LMX1A: variants seen among roughly 807,000 people sequenced by gnomAD.
LMX1A encodes LIM homeobox transcription factor 1 alpha, also known as LIM homeobox transcription factor 1-alpha.
LMX1A carries 15 observed loss-of-function variants against 49.1 expected under a neutral mutation model. That is an observed-to-expected ratio of 0.31 (90% CI 0.20 to 0.47). The LOEUF (loss-of-function observed/expected upper bound fraction) is 0.47, where lower values mean the gene tolerates loss of function less well. Among genes scored for constraint, LMX1A ranks in the 20% least tolerant of loss-of-function variants. LMX1A has a pLI of 1.00. For missense variants in LMX1A, 372 were observed against 475.8 expected (o/e 0.78, Z 2.03); for synonymous variants, 167 against 185.7 (o/e 0.90, Z 0.82).
At chr1:165,218,232 G>T (rs1278679843) in intron 4 of LMX1A, among the ~76,000 whole-genome samples, 1 of 152,204 alleles carries the variant, frequency 6.6e-6, no homozygotes, top group African/African-American at 2.4e-5. Flanking sequence ...CTGGAGGCAG[G>T]AAACACTGCT....
chr1:165,351,147 T>C (rs747141383), intron 3 of LMX1A, among the ~76,000 whole-genome samples: 11 of 150,814 alleles, frequency 7.3e-5, no homozygotes, highest in Non-Finnish European at 1.6e-4. Flanking sequence ...TGTTGACCCT[T>C]AAGCCTTCTT....
chr1:165,329,904 T>C (rs1655696387), intron 3 of LMX1A, among the ~76,000 whole-genome samples: 1 of 152,226 alleles, frequency 6.6e-6, no homozygotes, highest in Non-Finnish European at 1.5e-5. Context: ...ACTATCTGTG[T>C]GGCCCAGCTG....
chr1:165,287,486 A>G (rs1654332289), intron 3 of LMX1A, among the ~76,000 whole-genome samples: 1 of 152,132 alleles, frequency 6.6e-6, no homozygotes, highest in Non-Finnish European at 1.5e-5. Flanking sequence ...GTGAGTTACA[A>G]CTGTGAATTC....
chr1:165,249,357 A>C (rs781202424), intron 4 of LMX1A, 51 bp downstream of exon 4: 1 of 1,332,236 alleles, frequency 7.5e-7, no homozygotes, highest in South Asian at 1.2e-5. Context: ...ACAGCCACCC[A>C]ACTCCACTCT....
chr1:165,265,603 A>T (rs1046259602), intron 3 of LMX1A, among the ~76,000 whole-genome samples: 5 of 152,174 alleles, frequency 3.3e-5, no homozygotes, highest in African/African-American at 1.2e-4. Flanking sequence ...AGCCATACAC[A>T]CTGGCATCAA....
chr1:165,237,319 G>A (rs919116981), intron 4 of LMX1A, among the ~76,000 whole-genome samples: 1 of 152,186 alleles, frequency 6.6e-6, no homozygotes, highest in Non-Finnish European at 1.5e-5. Flanking sequence ...CGCCTCCTGG[G>A]TTCAAGCGAT....
intron 3 of LMX1A, among the ~76,000 whole-genome samples, chr1:165,300,719 C>G (rs1485448248): frequency 6.6e-6 from 1 of 152,210 alleles, no homozygotes; most frequent in East Asian, 1.9e-4. Flanking sequence ...TTTGCATCAC[C>G]TTTGCTCAGT....
intron 3 of LMX1A, among the ~76,000 whole-genome samples, chr1:165,336,471 A>T (rs964048936): frequency 6.6e-6 from 1 of 152,144 alleles, no homozygotes; most frequent in African/African-American, 2.4e-5. Flanking sequence ...CCTCCTTTAC[A>T]CTTCCCCTTC....
intron 3 of LMX1A, among the ~76,000 whole-genome samples, chr1:165,273,182 G>A (rs1481145292): frequency 6.6e-6 from 1 of 152,176 alleles, no homozygotes; most frequent in Non-Finnish European, 1.5e-5. Context: ...GGCTGACAGA[G>A]AACTCTTTCT....
intron 7 of LMX1A, chr1:165,207,445 C>T (rs564673457): frequency 4.6e-5 from 7 of 152,256 alleles, no homozygotes; most frequent in African/African-American, 1.4e-4. Flanking sequence ...GCCTGTGGAA[C>T]ACAGTTAGAG....
At chr1:165,319,029 ACACACACACACACC>A (rs1343772846) in intron 3 of LMX1A, among the ~76,000 whole-genome samples, 1 of 141,376 alleles carries the variant, frequency 7.1e-6, no homozygotes, top group African/African-American at 2.6e-5. Flanking sequence ...ACACACACAC[ACACACACACACACC>A]CCAACTTCTT....
chr1:165,274,730 G>A (rs746065797), intron 3 of LMX1A, among the ~76,000 whole-genome samples: 12 of 152,118 alleles, frequency 7.9e-5, no homozygotes, highest in South Asian at 2.1e-4. Flanking sequence ...TTGCCATGGC[G>A]GTCACGGATG....
chr1:165,340,701 C>T (rs902059213), intron 3 of LMX1A, among the ~76,000 whole-genome samples: 3 of 152,184 alleles, frequency 2.0e-5, no homozygotes, highest in Admixed American at 2.0e-4. Context: ...ACATCTCCAC[C>T]TGACTGTCCC....
chr1:165,216,647 A>C (rs1285970909), intron 4 of LMX1A, among the ~76,000 whole-genome samples: 1 of 143,592 alleles, frequency 7.0e-6, no homozygotes, highest in African/African-American at 3.0e-5. Flanking sequence ...TCTGTTCAAT[A>C]AAACAGTACT....
rs76391283 is a variant in LMX1A at position 165,282,292 on chromosome 1, C to T, written c.264-32652G>A. ...GAATATACAGTCACCCCTCAACATTCTCAAGGGATTGGCTCCAGAAGCCCC... is the reference window on the plus strand; with the variant it reads ...GAATATACAGTCACCCCTCAACATTTTCAAGGGATTGGCTCCAGAAGCCCC... On this transcript the variant is annotated intron_variant, in intron 3 of 8. Transcript: ENST00000342310. Among the ~76,000 whole-genome samples the T allele has an allele frequency of 8.7e-3, 1,327 of 152,290 alleles. 15 individuals carry two copies. Among genetic ancestry groups the T allele is most frequent in the Middle Eastern group, 0.027 (8 of 294 alleles).
At chr1:165,293,698 G>A (rs937915997) in intron 3 of LMX1A, among the ~76,000 whole-genome samples, 2 of 152,214 alleles carry the variant, frequency 1.3e-5, no homozygotes, top group African/African-American at 4.8e-5. Context: ...CAAGATCAAG[G>A]CAGATTCAGC....
At chr1:165,341,220 C>A (rs1656064684) in intron 3 of LMX1A, among the ~76,000 whole-genome samples, 1 of 152,168 alleles carries the variant, frequency 6.6e-6, no homozygotes, top group Non-Finnish European at 1.5e-5. Context: ...ACCAGCCATA[C>A]CCTAAATGCT....
intron 3 of LMX1A, among the ~76,000 whole-genome samples, chr1:165,298,310 T>C (rs894349685): frequency 2.0e-5 from 3 of 152,204 alleles, no homozygotes; most frequent in Admixed American, 2.0e-4. Flanking sequence ...CTCTGGGGGC[T>C]CAAGAGCAAC....
chr1:165,307,242 C>G lies in LMX1A; in HGVS notation c.263+45834G>C, dbSNP rs530668963. Among the ~76,000 whole-genome samples the G allele has an allele frequency of 1.7e-4, 26 of 152,290 alleles. No individual in the cohort carries two copies. The East Asian group carries it at 4.8e-3, about 28-fold the overall frequency. On this transcript the variant is annotated intron_variant, in intron 3 of 8. Coordinates refer to ENST00000342310, the MANE Select transcript of LMX1A (RefSeq NM_177398.4). ...GAGAAAGAGAAAAAGAAAGTGGGAG[C>G]GCAACTACAACTTTAGTGTGAATCA...
Sources: allele counts gnomAD v4.1 joint callset (sites outside exome capture counted in the v4.1 genomes callset), GRCh38; gene constraint gnomAD v4.1.1; transcripts MANE v1.5; gene names NCBI Gene and HGNC (gene_info 2026-07-23, HGNC 2026-07-21).